The following APPBP2 variants were observed in gnomAD, a reference collection of about 807,000 sequenced individuals.
The protein encoded by APPBP2 is amyloid beta precursor protein binding protein 2, also known as amyloid protein-binding protein 2.
In APPBP2, 15 loss-of-function variants were observed where a neutral mutation model predicts 76.0. The observed-to-expected ratio is 0.20, with a 90% CI of 0.13 to 0.30. APPBP2 has a LOEUF of 0.30. APPBP2 is among the 10% of genes least tolerant of loss of function. The pLI is 1.00. For synonymous variants in APPBP2, 222 were observed against 242.2 expected, an observed-to-expected ratio of 0.92 and a Z score of 0.77; for missense variants, 401 against 687.2, an observed-to-expected ratio of 0.58 and a Z score of 4.66.
In APPBP2 at chr17:60,445,385, C is replaced by A. The variant is rs890738137; in HGVS notation, c.*2196G>T. The A allele has an allele frequency of 6.6e-6, 1 of 152,354 alleles. No individual in the cohort carries two copies. The highest frequency in any genetic ancestry group is 2.4e-5 in the African/African-American group (1 of 41,354). The allele number at this position is 152,354 out of a possible 1,614,324, so 9.4% of individuals were successfully genotyped here. On this transcript the variant is annotated 3_prime_UTR_variant, in exon 13 of 13. Coordinates refer to ENST00000083182, the MANE Select transcript of APPBP2 (RefSeq NM_006380.5). ...AGTTAGGGAGGATGAGGCTGTAAGT[C>A]ATTTGTTTATTTTTATCCTAGGAAA...
Position 60,445,954 on chromosome 17 carries a change from G to T in APPBP2, c.*1627C>A, listed in dbSNP as rs906367731. On this transcript the variant is annotated 3_prime_UTR_variant, in exon 13 of 13. Coordinates refer to ENST00000083182, the MANE Select transcript of APPBP2 (RefSeq NM_006380.5). ...TAACAGCTTCAAACAAGGTTGGGAAGTTCAAAAAAGTGCTTAAAATATTAA... is the reference window on the plus strand; with the variant it reads ...TAACAGCTTCAAACAAGGTTGGGAATTTCAAAAAAGTGCTTAAAATATTAA... 1 of 152,054 alleles carries T rather than the reference G, an allele frequency of 6.6e-6. No individual in the cohort carries two copies. The highest frequency in any genetic ancestry group is 1.5e-5 in the Non-Finnish European group (1 of 68,010). 9.4% of individuals were successfully genotyped at this position (152,054 alleles called of 1,614,324 possible). A position where few individuals can be genotyped will look rare whatever the true frequency, so the allele number is the denominator to read the frequency against.
At chr17:60,504,296 T>A (rs2090848591) in intron 1 of APPBP2, among the ~76,000 whole-genome samples, 2 of 151,992 alleles carry the variant, frequency 1.3e-5, no homozygotes. Flanking sequence ...GATAATAAAA[T>A]ACAATTAAAA....
rs138603905 is a variant in APPBP2, at chr17:60,486,424, T to A, written c.380-7153A>T. On this transcript the variant is annotated intron_variant, in intron 3 of 12. Coordinates refer to ENST00000083182, the MANE Select transcript of APPBP2 (RefSeq NM_006380.5). ...TATTTAGGATAGTTAGCTCTTCTTGTCGAATTGATCCCTTTACCATTATGT... is the reference window on the plus strand; with the variant it reads ...TATTTAGGATAGTTAGCTCTTCTTGACGAATTGATCCCTTTACCATTATGT... Among the ~76,000 whole-genome samples, 948 of 152,346 alleles carry A rather than the reference T, an allele frequency of 6.2e-3. 9 individuals carry two copies. The highest frequency in any genetic ancestry group is 0.021 in the African/African-American group (886 of 41,586).
intron 1 of APPBP2, among the ~76,000 whole-genome samples, chr17:60,505,676 G>GTTTTGTTTT (rs2090861147): frequency 1.2e-5 from 1 of 85,716 alleles, no homozygotes; most frequent in African/African-American, 7.7e-5. Flanking sequence ...GACCCCTGCG[G>GTTTTGTTTT]TTTTTTTTTT....
intron 4 of APPBP2, among the ~76,000 whole-genome samples, chr17:60,468,202 C>A (rs1186532334): frequency 1.3e-5 from 2 of 151,898 alleles, no homozygotes; most frequent in Non-Finnish European, 2.9e-5. Flanking sequence ...TAATGGCTAC[C>A]ATATGGGACA....
intron 3 of APPBP2, among the ~76,000 whole-genome samples, chr17:60,481,359 G>C (rs1167034923): frequency 6.6e-6 from 1 of 152,144 alleles, no homozygotes; most frequent in Non-Finnish European, 1.5e-5. Context: ...TGGAGGCCAA[G>C]GTGGAAGGAT....
At chr17:60,456,531 A>G (rs962308982) in intron 9 of APPBP2, 150 bp from the exon 10 acceptor site, 7 of 614,800 alleles carry the variant, frequency 1.1e-5, no homozygotes, top group African/African-American at 9.3e-5. Context: ...TAAATTTCCA[A>G]TCTGTTGTAG....
chr17:60,478,202 G>T (rs1598356402), intron 4 of APPBP2, among the ~76,000 whole-genome samples: 1 of 151,918 alleles, frequency 6.6e-6, no homozygotes, highest in African/African-American at 2.4e-5. Context: ...TTAATTTTTT[G>T]ACTTTATTTT....
chr17:60,494,400 C>T, intron 3 of APPBP2, 66 bp downstream of exon 3: 9 of 1,557,742 alleles, frequency 5.8e-6, no homozygotes, highest in Non-Finnish European at 7.8e-6. Flanking sequence ...TGGAAGAATT[C>T]TTTGTTAGCA....
At position 60,454,453 on chromosome 17, in the gene APPBP2, T is replaced by C; in HGVS notation, c.1187A>G (p.Lys396Arg). The C allele has an allele frequency of 6.2e-7, 1 of 1,605,056 alleles. No homozygotes were observed. Among genetic ancestry groups the C allele is most frequent in the Non-Finnish European group, 8.5e-7 (1 of 1,177,032 alleles). Reference sequence around the variant, plus strand: ...TTGAAGCAGCCTCTGTTCAGTTTCCTTATTATGACAATCAATTGCAATCTC... The same window carrying C: ...TTGAAGCAGCCTCTGTTCAGTTTCCCTATTATGACAATCAATTGCAATCTC... ...LEEIAIDCHN[K>R]ETEQRLLQEA... The change falls in exon 11 of 13, where the codon AAG becomes AGG. Residue 396 changes from lysine (K) to arginine (R), a missense_variant. Lys to Arg is a conservative substitution (Grantham distance 26). This residue lies in a region of APPBP2 where 130 missense variants were observed against 322.7 expected (regional missense o/e 0.40). Transcript: ENST00000083182.
chr17:60,480,117 T>A (rs919036164), intron 3 of APPBP2, among the ~76,000 whole-genome samples: 4 of 152,186 alleles, frequency 2.6e-5, no homozygotes, highest in Non-Finnish European at 4.4e-5. Flanking sequence ...CATACCATCA[T>A]GGTATGTTCT....
At chr17:60,462,707 T>C (rs1476384784) in intron 6 of APPBP2, 1 of 152,080 alleles carries the variant, frequency 6.6e-6, no homozygotes, top group Non-Finnish European at 1.5e-5. Context: ...TCCCAGCACT[T>C]TGGGAGGCCG....
chr17:60,452,078 A>G, intron 11 of APPBP2, 33 bp from the exon 12 acceptor site: 1 of 1,602,910 alleles, frequency 6.2e-7, no homozygotes, highest in Non-Finnish European at 8.5e-7. Flanking sequence ...CAATCATTAT[A>G]CTTTTTCTCA....
rs199948720 is a variant in APPBP2 at position 60,512,105 on chromosome 17, A to AT, written c.139-11619dup. Among the ~76,000 whole-genome samples the AT allele has an allele frequency of 7.6e-3, 1,062 of 139,934 alleles. 16 individuals carry two copies. Among genetic ancestry groups the AT allele is most frequent in the African/African-American group, 0.033 (1,013 of 30,618 alleles). The allele number at this position is 139,934 out of a possible 152,430, so 91.8% of individuals were successfully genotyped here. ...CTTGAGGTGTTTTTTTATTATTATT[A>AT]TTATTTTCTTTTTTTGAGATGGAGT... On this transcript the variant is annotated intron_variant, in intron 1 of 12. Transcript: ENST00000083182.
intron 1 of APPBP2, among the ~76,000 whole-genome samples, chr17:60,522,461 T>C (rs2091017364): frequency 6.6e-6 from 1 of 152,120 alleles, no homozygotes; most frequent in East Asian, 1.9e-4. Context: ...GTAGCTGGGA[T>C]GACAGGCATG....
chr17:60,462,106 G>GC, intron 6 of APPBP2, 45 bp from the exon 7 acceptor site: 1 of 1,453,058 alleles, frequency 6.9e-7, no homozygotes, highest in Admixed American at 1.7e-5. Context: ...CAGTTCATTA[G>GC]TGTGCTAAAA....
intron 1 of APPBP2, among the ~76,000 whole-genome samples, chr17:60,518,068 C>CT (rs67907414): frequency 0.016 from 2,006 of 122,292 alleles, 48 homozygotes; most frequent in African/African-American, 0.05. Flanking sequence ...TTACAATTTC[C>CT]TTTTTTTTTT....
chr17:60,509,537 T>C (rs368021787), intron 1 of APPBP2, among the ~76,000 whole-genome samples: 105 of 152,274 alleles, frequency 6.9e-4, no homozygotes, highest in African/African-American at 2.3e-3. Context: ...GTGTGGTGGC[T>C]CACGCCTGTA....
At chr17:60,472,798 T>G (rs1246222525) in intron 4 of APPBP2, among the ~76,000 whole-genome samples, 5 of 152,224 alleles carry the variant, frequency 3.3e-5, no homozygotes, top group Non-Finnish European at 4.4e-5. Context: ...CCCTTAACAT[T>G]GTACTGATTA....
Sources: allele counts gnomAD v4.1 joint callset (sites outside exome capture counted in the v4.1 genomes callset), GRCh38; gene constraint gnomAD v4.1.1; regional missense constraint gnomAD v4.1.1; transcripts MANE v1.5; gene names NCBI Gene and HGNC (gene_info 2026-07-23, HGNC 2026-07-21).